The following PRKD1 variants were observed in gnomAD, a reference collection of about 807,000 sequenced individuals.
PRKD1 encodes protein kinase D1, also known as serine/threonine-protein kinase D1.
In PRKD1, 63 loss-of-function variants were observed where a neutral mutation model predicts 95.9. That is an observed-to-expected ratio of 0.66 (90% CI 0.54 to 0.81). The LOEUF (loss-of-function observed/expected upper bound fraction) is 0.81. Ranked by LOEUF, PRKD1 falls within the 30% of genes least tolerant of loss-of-function variation. The pLI, the probability that PRKD1 is intolerant of heterozygous loss-of-function variation, is 0.00. For missense variants in PRKD1, 1,048 were observed against 1,165.3 expected, an observed-to-expected ratio of 0.90 and a Z score of 1.47; for synonymous variants, 425 against 423.1, an observed-to-expected ratio of 1.00 and a Z score of -0.05.
chr14:29,871,127 C>CGACA (rs988468754), intron 1 of PRKD1, among the ~76,000 whole-genome samples: 2 of 152,264 alleles, frequency 1.3e-5, no homozygotes, highest in Admixed American at 6.5e-5. Flanking sequence ...TGAGGACTGT[C>CGACA]ATACTCCTAC....
chr14:29,727,670 G>C (rs1437023025), intron 1 of PRKD1, among the ~76,000 whole-genome samples: 1 of 151,690 alleles, frequency 6.6e-6, no homozygotes, highest in Non-Finnish European at 1.5e-5. Context: ...CCCATTGCTT[G>C]TTTTTCTCAG....
intron 1 of PRKD1, among the ~76,000 whole-genome samples, chr14:29,908,829 G>A (rs1452868428): frequency 6.6e-6 from 1 of 152,154 alleles, no homozygotes; most frequent in Admixed American, 6.5e-5. Flanking sequence ...GTTTTAAGAG[G>A]TGACAGTGTG....
At chr14:29,858,697 A>C (rs950796626) in intron 1 of PRKD1, among the ~76,000 whole-genome samples, 1 of 152,092 alleles carries the variant, frequency 6.6e-6, no homozygotes, top group African/African-American at 2.4e-5. Flanking sequence ...ATTCCACATA[A>C]ATATAATGGC....
intron 1 of PRKD1, among the ~76,000 whole-genome samples, chr14:29,866,272 A>G (rs1209908319): frequency 6.6e-6 from 1 of 152,216 alleles, no homozygotes; most frequent in Admixed American, 6.6e-5. Flanking sequence ...TCTTACTGAA[A>G]TAACAGGCAC....
intron 4 of PRKD1, among the ~76,000 whole-genome samples, chr14:29,653,806 C>G (rs190123435): frequency 3.3e-5 from 5 of 152,190 alleles, no homozygotes; most frequent in Non-Finnish European, 5.9e-5. Flanking sequence ...AGACTATAAG[C>G]AACCAATAAG....
At chr14:29,826,700 C>CACACATATATATATATACAT (rs377377299) in intron 1 of PRKD1, among the ~76,000 whole-genome samples, 1 of 28,722 alleles carries the variant, frequency 3.5e-5, no homozygotes, top group Non-Finnish European at 7.3e-5. Context: ...CATATATATA[C>CACACATATATATATATACAT]ATATATACAC....
intron 1 of PRKD1, among the ~76,000 whole-genome samples, chr14:29,839,913 A>G (rs1228657039): frequency 6.6e-6 from 1 of 151,698 alleles, no homozygotes; most frequent in Non-Finnish European, 1.5e-5. Flanking sequence ...AGCCCACAAA[A>G]CCATTTTTTC....
chr14:29,911,007 G>C (rs1232259031), intron 1 of PRKD1, among the ~76,000 whole-genome samples: 2 of 152,218 alleles, frequency 1.3e-5, no homozygotes, highest in East Asian at 3.9e-4. Context: ...ATTAAACATA[G>C]AGAAGTTTAA....
chr14:29,889,861 G>C (rs1893877375), intron 1 of PRKD1, among the ~76,000 whole-genome samples: 1 of 152,160 alleles, frequency 6.6e-6, no homozygotes, highest in South Asian at 2.1e-4. Flanking sequence ...CGTTGTGCAT[G>C]TGTACCCTAG....
rs181386079 is a variant in PRKD1 at position 29,914,866 on chromosome 14, G to A, written c.264+12383C>T. ...CGGCTAACTGCAAGCTCCGCCTCCC[G>A]GGTTCACGCCATCCAGGCCTGGCTA... is the stretch of plus-strand genomic sequence containing the variant. On this transcript the variant is annotated intron_variant, in intron 1 of 17. Coordinates refer to ENST00000331968, the MANE Select transcript of PRKD1 (RefSeq NM_002742.3). Among the ~76,000 whole-genome samples, 1,026 of 151,632 alleles carry A rather than the reference G, an allele frequency of 6.8e-3. 6 individuals carry two copies. Among genetic ancestry groups the A allele is most frequent in the Non-Finnish European group, 0.01 (698 of 67,922 alleles).
chr14:29,610,392 A>G (rs1384041206), intron 13 of PRKD1, among the ~76,000 whole-genome samples: 1 of 152,220 alleles, frequency 6.6e-6, no homozygotes, highest in African/African-American at 2.4e-5. Context: ...GAAGCTATAC[A>G]GATGGAAAAT....
intron 1 of PRKD1, among the ~76,000 whole-genome samples, chr14:29,859,460 T>C (rs1892626362): frequency 6.6e-6 from 1 of 151,890 alleles, no homozygotes; most frequent in African/African-American, 2.4e-5. Flanking sequence ...TACAAAAAAT[T>C]AGCCGGGCAT....
chr14:29,818,935 AGTTT>A (rs1347863283), intron 1 of PRKD1, among the ~76,000 whole-genome samples: 2 of 152,184 alleles, frequency 1.3e-5, no homozygotes, highest in Non-Finnish European at 2.9e-5. Context: ...ACTACCAGTT[AGTTT>A]AAGAAAAATA....
intron 1 of PRKD1, among the ~76,000 whole-genome samples, chr14:29,788,345 TTC>T (rs1889367868): frequency 6.6e-6 from 1 of 152,290 alleles, no homozygotes; most frequent in South Asian, 2.1e-4. Flanking sequence ...GTTTTTAGAA[TTC>T]TCTCTTTGTC....
intron 1 of PRKD1, among the ~76,000 whole-genome samples, chr14:29,756,682 C>A (rs1321018236): frequency 6.6e-6 from 1 of 152,156 alleles, no homozygotes; most frequent in Non-Finnish European, 1.5e-5. Context: ...CACCTGTGCT[C>A]CACAGCAGAC....
intron 1 of PRKD1, among the ~76,000 whole-genome samples, chr14:29,877,062 G>T (rs1296581328): frequency 6.6e-6 from 1 of 152,192 alleles, no homozygotes; most frequent in East Asian, 1.9e-4. Context: ...TTAGGCAGGA[G>T]AATTGCTTGA....
chr14:29,744,476 G>A (rs1336471135), intron 1 of PRKD1, among the ~76,000 whole-genome samples: 3 of 151,992 alleles, frequency 2.0e-5, no homozygotes. Flanking sequence ...TGAATTAACT[G>A]CACAAGCCAC....
At chr14:29,702,418 T>C (rs1239739004) in intron 2 of PRKD1, among the ~76,000 whole-genome samples, 1 of 152,078 alleles carries the variant, frequency 6.6e-6, no homozygotes, top group African/African-American at 2.4e-5. Context: ...TTTATGAAAA[T>C]AATTCTTTCT....
At chr14:29,779,494 CGGAT>C (rs1417192628) in intron 1 of PRKD1, among the ~76,000 whole-genome samples, 1 of 152,012 alleles carries the variant, frequency 6.6e-6, no homozygotes, top group Non-Finnish European at 1.5e-5. Context: ...ACACCAATAA[CGGAT>C]AAACAGAGAG....
Sources: gnomAD v4.1 joint callset for allele counts (sites outside exome capture counted in the v4.1 genomes callset) on GRCh38, gnomAD v4.1.1 for gene constraint, MANE v1.5 for transcripts, NCBI Gene and HGNC (gene_info 2026-07-23, HGNC 2026-07-21) for gene names.